Variants in TEX14 observed in about 807,000 individuals in gnomAD.
TEX14 encodes inactive serine/threonine-protein kinase TEX14.
TEX14 carries 168 observed loss-of-function variants against 178.6 expected under a neutral mutation model. That is an observed-to-expected ratio of 0.94 (90% CI 0.83 to 1.07). The LOEUF is 1.07. Ranked by LOEUF, TEX14 falls within the 50% of genes least tolerant of loss-of-function variation. The pLI is 0.00. For missense variants in TEX14, 1,730 were observed against 1,753.6 expected, an observed-to-expected ratio of 0.99 and a Z score of 0.24; for synonymous variants, 626 against 634.1, an observed-to-expected ratio of 0.99 and a Z score of 0.19.
At chr17:58,638,597 G>GGC (rs1421116231) in intron 2 of TEX14, among the ~76,000 whole-genome samples, 1 of 151,972 alleles carries the variant, frequency 6.6e-6, no homozygotes. Context: ...GGAGTGCAGT[G>GGC]GTGCAATCTC....
chr17:58,594,990 T>C (rs111911786), intron 14 of TEX14, among the ~76,000 whole-genome samples: 1 of 152,194 alleles, frequency 6.6e-6, no homozygotes, highest in African/African-American at 2.4e-5. Flanking sequence ...ACATGCTCCC[T>C]GAAGTATAAG....
rs2044787816 is a variant in TEX14, at chr17:58,580,555, C to G, written c.3172-824G>C. Among the ~76,000 whole-genome samples, 5 of 152,172 alleles carry G rather than the reference C, an allele frequency of 3.3e-5. No individual in the cohort carries two copies. In the South Asian group the frequency reaches 1.0e-3, roughly 32 times the overall value. On this transcript the variant is annotated intron_variant, in intron 19 of 31. Transcript: ENST00000349033. ...TTGAACTTCTGACCTCACGATCCAC[C>G]CACCTCGGCCTCCCCAAGTGCTGGG...
At chr17:58,646,807 T>C (rs2046718107) in intron 2 of TEX14, among the ~76,000 whole-genome samples, 1 of 152,222 alleles carries the variant, frequency 6.6e-6, no homozygotes, top group Admixed American at 6.5e-5. Flanking sequence ...TGTTAGATTA[T>C]GGTCCCAAAG....
In TEX14 at chr17:58,644,892, C is replaced by G. The variant is rs990325831; in HGVS notation, c.136+6974G>C. Among the ~76,000 whole-genome samples the G allele has an allele frequency of 3.3e-5, 5 of 151,924 alleles. No individual in the cohort carries two copies. In the East Asian group the frequency reaches 9.6e-4, roughly 29 times the overall value. ...TCTCGAACTCCTGACCTCAGGTGAT[C>G]CACCCACCTCGGCCTCCCAAAGTGC... On this transcript the variant is annotated intron_variant, in intron 2 of 31. Transcript: ENST00000349033.
At chr17:58,611,014 G>A (rs1416095779) in intron 10 of TEX14, 147 bp downstream of exon 10, 6 of 626,994 alleles carry the variant, frequency 9.6e-6, no homozygotes, top group South Asian at 6.6e-5. Context: ...GGCAGACAGG[G>A]TAAGGCATTT....
chr17:58,642,055 A>G (rs1196293061), intron 2 of TEX14, among the ~76,000 whole-genome samples: 3 of 152,140 alleles, frequency 2.0e-5, no homozygotes, highest in South Asian at 4.1e-4. Flanking sequence ...TAAATACATC[A>G]TCTCTCAAAG....
At chr17:58,623,039 T>C (rs761467766) in intron 3 of TEX14, 27 bp from the exon 4 acceptor site, 5 of 1,573,028 alleles carry the variant, frequency 3.2e-6, no homozygotes, top group African/African-American at 2.7e-5. Flanking sequence ...GTACAATTGA[T>C]GTCCATGGCA....
intron 1 of TEX14, among the ~76,000 whole-genome samples, chr17:58,657,699 C>G (rs1167908044): frequency 6.6e-6 from 1 of 151,844 alleles, no homozygotes; most frequent in African/African-American, 2.4e-5. Flanking sequence ...TTCTAACTTC[C>G]AAGCTGTCCT....
At position 58,574,350 on chromosome 17, in the gene TEX14, G is replaced by A. The variant is rs939018871; in HGVS notation, c.3321-101C>T. The A allele has an allele frequency of 3.0e-5, 26 of 861,706 alleles. 1 individual carries two copies. The highest frequency in any genetic ancestry group is 1.5e-4 in the African/African-American group (9 of 59,888). The allele number at this position is 861,706 out of a possible 1,614,324, so 53.4% of individuals were successfully genotyped here. ...CCAGTTGATCAGCCCAGTGTGAGAC[G>A]CAGAGGAAAGGGCACTAAGCTCAGG... On this transcript the variant is annotated intron_variant, in intron 21 of 31. Coordinates refer to ENST00000349033, the MANE Select transcript of TEX14 (RefSeq NM_031272.5).
chr17:58,625,159 T>C (rs1304388303), intron 3 of TEX14, among the ~76,000 whole-genome samples: 1 of 151,782 alleles, frequency 6.6e-6, no homozygotes, highest in Non-Finnish European at 1.5e-5. Flanking sequence ...TGAGACGAAG[T>C]CTCGCTCTTG....
Position 58,561,545 on chromosome 17 carries a change from G to A in TEX14, c.4132C>T (p.Gln1378Ter). ...CTTTCAGAGCCCTTGGGAAGGTCTT[G>A]TAGCTCCACGCTCTCCTCAGGTGGC... is the stretch of plus-strand genomic sequence containing the variant. ...LQPPEESVEL[Q>*]DLPKGSERET... Residue 1378 changes from glutamine to a stop codon, truncating the protein, a stop_gained, in exon 29 of 32, where the codon CAA becomes TAA. Coordinates refer to ENST00000349033, the MANE Select transcript of TEX14 (RefSeq NM_031272.5). LOFTEE classifies it high-confidence loss of function. 11 of 1,613,684 alleles carry A rather than the reference G, an allele frequency of 6.8e-6. No homozygotes were observed. The highest frequency in any genetic ancestry group is 9.3e-6 in the Non-Finnish European group (11 of 1,179,578).
At chr17:58,657,247 G>A (rs190758182) in intron 1 of TEX14, among the ~76,000 whole-genome samples, 120 of 152,166 alleles carry the variant, frequency 7.9e-4, no homozygotes, top group African/African-American at 2.7e-3. Flanking sequence ...TAGAATTACA[G>A]GCATGAGCCA....
At chr17:58,557,876 A>G in intron 30 of TEX14, 26 bp from the exon 31 acceptor site, 1 of 1,590,072 alleles carries the variant, frequency 6.3e-7, no homozygotes, top group African/African-American at 1.3e-5. Flanking sequence ...GAGGAAGGAA[A>G]AAACAACATG....
At chr17:58,557,645 A>T (rs2044172321) in intron 31 of TEX14, among the ~76,000 whole-genome samples, 154 bp downstream of exon 31, 1 of 152,180 alleles carries the variant, frequency 6.6e-6, no homozygotes, top group Admixed American at 6.6e-5. Flanking sequence ...AGTTTAATTA[A>T]CTATAAACAC....
chr17:58,615,392 T>C, intron 7 of TEX14, 47 bp from the exon 8 acceptor site: 1 of 1,146,264 alleles, frequency 8.7e-7, no homozygotes, highest in Non-Finnish European at 1.3e-6. Flanking sequence ...GAGCAGCCAC[T>C]TACTCCTTCA....
intron 1 of TEX14, among the ~76,000 whole-genome samples, chr17:58,654,530 A>C (rs1468656376): frequency 1.4e-5 from 2 of 145,198 alleles, no homozygotes; most frequent in Non-Finnish European, 3.0e-5. Context: ...TTTTGGAGAC[A>C]GAGTCTTGCT....
intron 31 of TEX14, 135 bp from the exon 32 acceptor site, chr17:58,557,182 C>A: frequency 1.4e-6 from 1 of 712,930 alleles, no homozygotes; most frequent in Non-Finnish European, 2.5e-6. Context: ...TAATCAAGGG[C>A]GATTATAACC....
chr17:58,564,985 G>A lies in TEX14; in HGVS notation c.3965-17C>T. On this transcript the variant is annotated splice_polypyrimidine_tract_variant and intron_variant, in intron 27 of 31. Coordinates refer to ENST00000349033, the MANE Select transcript of TEX14 (RefSeq NM_031272.5). ...GCCTTTGATCTAAAAACAGTTGAAAGAATTAACTTTATTAGAACGAAAAAA... is the reference window on the plus strand; with the variant it reads ...GCCTTTGATCTAAAAACAGTTGAAAAAATTAACTTTATTAGAACGAAAAAA... The A allele has an allele frequency of 6.7e-7, 1 of 1,489,076 alleles. No individual in the cohort carries two copies. Among genetic ancestry groups the A allele is most frequent in the Non-Finnish European group, 9.2e-7 (1 of 1,088,390 alleles). 92.2% of individuals were successfully genotyped at this position (1,489,076 alleles called of 1,614,324 possible). A position where few individuals can be genotyped will look rare whatever the true frequency, so the allele number is the denominator to read the frequency against.
At chr17:58,649,069 GC>G (rs1333921076) in intron 2 of TEX14, among the ~76,000 whole-genome samples, 1 of 135,308 alleles carries the variant, frequency 7.4e-6, no homozygotes, top group African/African-American at 2.9e-5. Flanking sequence ...GAGCCACCAC[GC>G]CCGGCCTCTT....
Sources: allele counts gnomAD v4.1 joint callset (sites outside exome capture counted in the v4.1 genomes callset), GRCh38; gene constraint gnomAD v4.1.1; transcripts MANE v1.5; gene names NCBI Gene and HGNC (gene_info 2026-07-23, HGNC 2026-07-21).